The following MBD5 variants were observed in gnomAD, a reference collection of about 807,000 sequenced individuals.
The protein encoded by MBD5 is methyl-CpG binding domain protein 5, also known as methyl-CpG-binding domain protein 5.
MBD5 carries 13 observed loss-of-function variants against 117.3 expected under a neutral mutation model. The ratio of observed to expected loss-of-function variants is 0.11; its 90% CI spans 0.07 to 0.18. The LOEUF (loss-of-function observed/expected upper bound fraction) is 0.18. MBD5 is among the 10% of genes least tolerant of loss of function. The pLI is 1.00. For synonymous variants in MBD5, 727 were observed against 766.4 expected (o/e 0.95, Z 0.85); for missense variants, 1,879 against 2,093.8 (o/e 0.90, Z 2.00).
At chr2:148,463,258 C>T (rs1707151503) in intron 6 of MBD5, among the ~76,000 whole-genome samples, 2 of 151,788 alleles carry the variant, frequency 1.3e-5, no homozygotes, top group Non-Finnish European at 2.9e-5. Flanking sequence ...TGTGTGTCAC[C>T]GCATTCCAAA....
chr2:148,389,639 A>G (rs1451790522), intron 4 of MBD5, among the ~76,000 whole-genome samples: 1 of 152,038 alleles, frequency 6.6e-6, no homozygotes, highest in Non-Finnish European at 1.5e-5. Context: ...CTGGTGTGAG[A>G]TGGGATCTCA....
At chr2:148,154,229 G>A (rs547811965) in intron 1 of MBD5, among the ~76,000 whole-genome samples, 14 of 151,898 alleles carry the variant, frequency 9.2e-5, no homozygotes, top group African/African-American at 3.1e-4. Context: ...CTGCTGGGGG[G>A]TGCCTCCCAG....
intron 4 of MBD5, among the ~76,000 whole-genome samples, chr2:148,372,643 G>A (rs1442851184): frequency 1.3e-5 from 2 of 151,942 alleles, no homozygotes; most frequent in African/African-American, 4.8e-5. Flanking sequence ...TTGGAGAAAT[G>A]GCCTTGGACA....
chr2:148,029,339 T>A (rs1393410979), intron 1 of MBD5, among the ~76,000 whole-genome samples: 11 of 152,166 alleles, frequency 7.2e-5, no homozygotes, highest in Admixed American at 4.6e-4. Flanking sequence ...TTAGTTGTTT[T>A]GAAATTAATG....
chr2:148,102,034 A>G (rs867530444), intron 1 of MBD5, among the ~76,000 whole-genome samples: 1 of 152,182 alleles, frequency 6.6e-6, no homozygotes, highest in South Asian at 2.1e-4. Flanking sequence ...TTCGATTTAA[A>G]ATGCTCCAGG....
At chr2:148,441,567 C>T (rs1353785802) in intron 4 of MBD5, among the ~76,000 whole-genome samples, 1 of 152,318 alleles carries the variant, frequency 6.6e-6, no homozygotes, top group East Asian at 1.9e-4. Context: ...AGTAAACATA[C>T]ATGTGCATGT....
intron 3 of MBD5, among the ~76,000 whole-genome samples, chr2:148,286,448 C>G (rs559263122): frequency 2.4e-4 from 36 of 152,268 alleles, no homozygotes; most frequent in African/African-American, 8.4e-4. Context: ...TTTTAATTTT[C>G]CAGACTTTGC....
At chr2:148,381,624 C>T (rs1180208008) in intron 4 of MBD5, among the ~76,000 whole-genome samples, 1 of 152,134 alleles carries the variant, frequency 6.6e-6, no homozygotes, top group Non-Finnish European at 1.5e-5. Context: ...AAAGATACTC[C>T]TTGAGAAGAG....
intron 4 of MBD5, among the ~76,000 whole-genome samples, chr2:148,364,532 T>G (rs1160347237): frequency 6.6e-6 from 1 of 151,518 alleles, no homozygotes; most frequent in Non-Finnish European, 1.5e-5. Flanking sequence ...ATGCCCCAAT[T>G]AGACACAGGC....
At chr2:148,508,954 A>C (rs1176063938) in intron 12 of MBD5, among the ~76,000 whole-genome samples, 1 of 152,148 alleles carries the variant, frequency 6.6e-6, no homozygotes, top group Non-Finnish European at 1.5e-5. Flanking sequence ...GTGAGGAAAA[A>C]ACCTAGGGAA....
intron 4 of MBD5, among the ~76,000 whole-genome samples, chr2:148,413,111 T>C (rs1705313559): frequency 6.6e-6 from 1 of 152,060 alleles, no homozygotes; most frequent in Non-Finnish European, 1.5e-5. Context: ...AGATGGTTCT[T>C]ATTATTTTGA....
chr2:148,139,664 A>G (rs1697264350), intron 1 of MBD5, among the ~76,000 whole-genome samples: 2 of 152,298 alleles, frequency 1.3e-5, no homozygotes, highest in Admixed American at 1.3e-4. Flanking sequence ...CCCAGACAAC[A>G]AAAAGTACAG....
intron 2 of MBD5, among the ~76,000 whole-genome samples, chr2:148,188,242 T>C (rs1192541444): frequency 6.6e-6 from 1 of 152,224 alleles, no homozygotes; most frequent in Non-Finnish European, 1.5e-5. Flanking sequence ...ATATTGTGTC[T>C]TAAGCTCATT....
chr2:148,095,623 GTGTGCAGAATAAAGCAGA>G (rs1696049765), intron 1 of MBD5, among the ~76,000 whole-genome samples: 1 of 151,966 alleles, frequency 6.6e-6, no homozygotes, highest in African/African-American at 2.4e-5. Flanking sequence ...GTATTGTAGG[GTGTGCAGAATAAAGCAGA>G]TGTGCACATT....
intron 12 of MBD5, among the ~76,000 whole-genome samples, chr2:148,508,416 AAC>A (rs755633074): frequency 6.6e-5 from 10 of 152,208 alleles, no homozygotes; most frequent in Non-Finnish European, 1.3e-4. Context: ...TTTAAAAAAA[AAC>A]ACACATAAAA....
chr2:148,212,156 G>A (rs1047292717), intron 2 of MBD5, among the ~76,000 whole-genome samples: 5 of 152,160 alleles, frequency 3.3e-5, no homozygotes, highest in Non-Finnish European at 7.3e-5. Context: ...TATATTCACA[G>A]TGTTGTATAT....
In MBD5 at chr2:148,489,473, A is replaced by T; in HGVS notation, c.3841A>T (p.Thr1281Ser). 6.2e-7 allele frequency: 1 copy of T among 1,614,136 alleles called. No homozygotes were observed. Among genetic ancestry groups the T allele is most frequent in the Non-Finnish European group, 8.5e-7 (1 of 1,180,018 alleles). The change falls in exon 11 of 14, where the codon ACA becomes TCA. Residue 1281 changes from threonine to serine, a missense_variant. By Grantham distance (58) the Thr-to-Ser change is moderately conservative. Transcript: ENST00000642680. Reference sequence around the variant, plus strand: ...AGCACTTCCTGAGAATCCAAACACTACACTTCCACCTTTTCAAGATACACC... The same window carrying T: ...AGCACTTCCTGAGAATCCAAACACTTCACTTCCACCTTTTCAAGATACACC... ...LTALPENPNT[T>S]LPPFQDTPCE...
At chr2:148,244,966 G>T (rs1700301969) in intron 3 of MBD5, among the ~76,000 whole-genome samples, 1 of 116,028 alleles carries the variant, frequency 8.6e-6, no homozygotes, top group Admixed American at 8.5e-5. Context: ...GTTCTCCTTT[G>T]CCATCTTAAA....
intron 1 of MBD5, among the ~76,000 whole-genome samples, chr2:148,110,548 G>A (rs1389679888): frequency 1.3e-5 from 2 of 151,898 alleles, no homozygotes; most frequent in South Asian, 2.1e-4. Context: ...CCTTAGTGTT[G>A]TATTCTTTCT....
Sources: allele counts gnomAD v4.1 joint callset (sites outside exome capture counted in the v4.1 genomes callset), GRCh38; gene constraint gnomAD v4.1.1; transcripts MANE v1.5; gene names NCBI Gene and HGNC (gene_info 2026-07-23, HGNC 2026-07-21).